Variants in TNRC6B observed in about 807,000 individuals in gnomAD.
TNRC6B encodes the protein trinucleotide repeat containing adaptor 6B.
Under a neutral mutation model 203.6 loss-of-function variants are expected in TNRC6B, and 52 were observed. The observed-to-expected ratio is 0.26, with a 90% confidence interval of 0.20 to 0.32. TNRC6B has a LOEUF of 0.32. TNRC6B is among the 10% of genes least tolerant of loss of function. TNRC6B has a pLI of 1.00. For missense variants in TNRC6B, 1,923 were observed against 2,286.2 expected (o/e 0.84, Z 3.24); for synonymous variants, 838 against 845.7 (o/e 0.99, Z 0.16).
chr22:40,285,683 A>G lies in TNRC6B; in HGVS notation c.3621A>G (p.Gln1207=), dbSNP rs1244482667. 4 of 1,613,934 alleles carry G rather than the reference A, an allele frequency of 2.5e-6. No homozygotes were observed. The highest frequency in any genetic ancestry group is 2.2e-5 in the East Asian group (1 of 44,872). The part of the protein sequence containing the change: ...SHGLFGNSTA[Q]SRGLHTPVQP... The stretch of plus-strand genomic sequence containing the variant: ...GTTTGTTTGGAAACAGCACAGCACA[A>G]TCGAGAGGTCTGCACACACCCGTGC... The change falls in exon 12 of 23, where the codon CAA becomes CAG. Residue 1207 remains glutamine, a synonymous_variant. Coordinates refer to ENST00000454349, the MANE Select transcript of TNRC6B (RefSeq NM_001162501.2).
At chr22:40,153,884 A>T (rs1269267141) in intron 3 of TNRC6B, among the ~76,000 whole-genome samples, 1 of 151,012 alleles carries the variant, frequency 6.6e-6, no homozygotes, top group Non-Finnish European at 1.5e-5. Context: ...AAAATTAGTA[A>T]TTTAAATTAT....
intron 4 of TNRC6B, among the ~76,000 whole-genome samples, chr22:40,166,980 G>C (rs1209983508): frequency 1.3e-5 from 2 of 152,044 alleles, no homozygotes; most frequent in East Asian, 1.9e-4. Flanking sequence ...AAATTGCCAG[G>C]CTTCACTGTT....
At chr22:40,148,426 G>GGA (rs2068714538) in intron 3 of TNRC6B, among the ~76,000 whole-genome samples, 1 of 151,808 alleles carries the variant, frequency 6.6e-6, no homozygotes, top group African/African-American at 2.4e-5. Context: ...TGGGATTACA[G>GGA]GCGCCTGCCA....
intron 4 of TNRC6B, among the ~76,000 whole-genome samples, chr22:40,164,162 A>G (rs1213016175): frequency 6.6e-6 from 1 of 151,964 alleles, no homozygotes; most frequent in Non-Finnish European, 1.5e-5. Context: ...CAGGTGGATC[A>G]CTTGAGGTTA....
intron 4 of TNRC6B, among the ~76,000 whole-genome samples, chr22:40,262,923 C>T (rs1458135963): frequency 1.3e-5 from 2 of 151,842 alleles, no homozygotes; most frequent in African/African-American, 4.8e-5. Flanking sequence ...TCCTGTAGTC[C>T]CAGCTACTCG....
At chr22:40,173,774 CATAT>C (rs1390905827), upstream of TNRC6B, among the ~76,000 whole-genome samples, 13 of 21,262 alleles carry the variant, frequency 6.1e-4, no homozygotes, top group South Asian at 7.1e-3. Flanking sequence ...GATTTTTGAA[CATAT>C]ATATATATAT....
At chr22:40,282,614 A>T (rs926911841) in intron 11 of TNRC6B, among the ~76,000 whole-genome samples, 1 of 152,210 alleles carries the variant, frequency 6.6e-6, no homozygotes, top group Non-Finnish European at 1.5e-5. Flanking sequence ...TTAGTATAGT[A>T]GACCAGCCAA....
chr22:40,174,945 C>T (rs781363426), upstream of TNRC6B, among the ~76,000 whole-genome samples: 6 of 151,710 alleles, frequency 4.0e-5, no homozygotes, highest in Non-Finnish European at 8.8e-5. Context: ...TCTATTATGT[C>T]TGGAAACACA....
intron 1 of TNRC6B, among the ~76,000 whole-genome samples, chr22:40,211,738 C>T (rs764953302): frequency 3.3e-5 from 5 of 152,116 alleles, no homozygotes; most frequent in East Asian, 1.9e-4. Context: ...AGGAGAACTC[C>T]GGCAGCAGTC....
In TNRC6B at chr22:40,335,274, T is replaced by G. The variant is rs1299346269; in HGVS notation, c.*12033T>G. The G allele has an allele frequency of 1.3e-5, 2 of 150,920 alleles. No individual in the cohort carries two copies. Among genetic ancestry groups the G allele is most frequent in the Non-Finnish European group, 3.0e-5 (2 of 67,734 alleles). 9.3% of individuals were successfully genotyped at this position (150,920 alleles called of 1,614,324 possible). A position where few individuals can be genotyped will look rare whatever the true frequency, so the allele number is the denominator to read the frequency against. ...ACATGGACACAGAAACTAGGCACTTTAGAGGTGCACTTGCATGGCAGGCTG... is the reference window on the plus strand; with the variant it reads ...ACATGGACACAGAAACTAGGCACTTGAGAGGTGCACTTGCATGGCAGGCTG... On this transcript the variant is annotated 3_prime_UTR_variant, in exon 23 of 23. Coordinates refer to ENST00000454349, the MANE Select transcript of TNRC6B (RefSeq NM_001162501.2).
intron 1 of TNRC6B, among the ~76,000 whole-genome samples, chr22:40,206,427 A>G (rs1569020451): frequency 6.6e-6 from 1 of 152,070 alleles, no homozygotes; most frequent in Non-Finnish European, 1.5e-5. Flanking sequence ...ATTATATCAG[A>G]AGACATTAAA....
chr22:40,107,738 T>C (rs1473419498), intron 1 of TNRC6B, among the ~76,000 whole-genome samples: 1 of 151,996 alleles, frequency 6.6e-6, no homozygotes, highest in African/African-American at 2.4e-5. Flanking sequence ...AAATACACAC[T>C]ATCCAACATT....
intron 3 of TNRC6B, among the ~76,000 whole-genome samples, chr22:40,154,797 C>T (rs1360131244): frequency 5.4e-5 from 7 of 130,356 alleles, no homozygotes; most frequent in African/African-American, 1.8e-4. Context: ...GCCGAGATCG[C>T]ACCACTGCAC....
intron 2 of TNRC6B, among the ~76,000 whole-genome samples, chr22:40,119,964 A>T (rs1411219137): frequency 6.6e-6 from 1 of 152,232 alleles, no homozygotes. Flanking sequence ...AAAAAATGAG[A>T]GCAAGTGAAA....
intron 1 of TNRC6B, among the ~76,000 whole-genome samples, chr22:40,214,556 T>C (rs2069608805): frequency 6.6e-6 from 1 of 151,556 alleles, no homozygotes. Context: ...GTGGTTTTTT[T>C]TTTTATTTTG....
At chr22:40,181,262 C>G (rs1041318538) in intron 1 of TNRC6B, among the ~76,000 whole-genome samples, 6 of 152,110 alleles carry the variant, frequency 3.9e-5, no homozygotes, top group Admixed American at 2.6e-4. Context: ...GAGTGTTATG[C>G]GATGATGAGA....
At chr22:40,052,071 C>T (rs1158908697) in intron 1 of TNRC6B, among the ~76,000 whole-genome samples, 3 of 152,154 alleles carry the variant, frequency 2.0e-5, no homozygotes, top group Non-Finnish European at 4.4e-5. Flanking sequence ...GTACTTCCAG[C>T]CACTGGTCTT....
At chr22:40,097,490 G>A (rs774341876) in intron 1 of TNRC6B, among the ~76,000 whole-genome samples, 4 of 151,948 alleles carry the variant, frequency 2.6e-5, no homozygotes, top group Non-Finnish European at 4.4e-5. Flanking sequence ...AAATATTTTT[G>A]TAGAGATTGG....
chr22:40,281,254 A>G lies in TNRC6B; in HGVS notation c.3547A>G (p.Thr1183Ala), dbSNP rs2070718251. 3.2e-6 allele frequency: 5 copies of G among 1,549,042 alleles called. No individual in the cohort carries two copies. The highest frequency in any genetic ancestry group is 3.5e-6 in the Non-Finnish European group (4 of 1,145,872). The stretch of plus-strand genomic sequence containing the variant: ...CAACGTCAGCCTTGGAGCAATCGGC[A>G]CAGGGCTCAACCCCCAAAACTTCGC... ...LPNVSLGAIGTGLNPQNFAAR... is the reference protein window; with the variant it reads ...LPNVSLGAIGAGLNPQNFAAR... Residue 1183 changes from threonine to alanine, a missense_variant, in exon 11 of 23, where the codon ACA becomes GCA. Physicochemically the swap from Thr to Ala is moderately conservative, Grantham distance 58 (BLOSUM62 0). This residue lies in a region of TNRC6B where 599 missense variants were observed against 656.5 expected (regional missense o/e 0.91). Coordinates refer to ENST00000454349, the MANE Select transcript of TNRC6B (RefSeq NM_001162501.2).
Sources: gnomAD v4.1 joint callset for allele counts (sites outside exome capture counted in the v4.1 genomes callset) on GRCh38, gnomAD v4.1.1 for gene constraint, gnomAD v4.1.1 regional missense constraint, MANE v1.5 for transcripts, NCBI Gene and HGNC (gene_info 2026-07-23, HGNC 2026-07-21) for gene names.